Variants in ANAPC2 observed in about 807,000 individuals in gnomAD.
ANAPC2 encodes the protein anaphase-promoting complex subunit 2.
Under a neutral mutation model 84.3 loss-of-function variants are expected in ANAPC2, and 29 were observed. That is an observed-to-expected ratio of 0.34 (90% CI 0.26 to 0.47). The LOEUF (loss-of-function observed/expected upper bound fraction) is 0.47. ANAPC2 is among the 20% of genes least tolerant of loss of function. The pLI is 1.00. For missense variants in ANAPC2, 857 were observed against 1,131.7 expected, an observed-to-expected ratio of 0.76 and a Z score of 3.48; for synonymous variants, 571 against 479.4, an observed-to-expected ratio of 1.19 and a Z score of -2.50.
In ANAPC2 at chr9:137,178,002, A is replaced by G. The variant is rs189792073; in HGVS notation, c.1891-2165T>C. On this transcript the variant is annotated intron_variant, in intron 10 of 12. Coordinates refer to ENST00000323927, the MANE Select transcript of ANAPC2 (RefSeq NM_013366.4). Reference sequence around the variant, plus strand: ...TTAGACTTCTGACTTCTGTAAAATGATATGTTTCTTTTAAGCCCGCTGGTT... The same window carrying G: ...TTAGACTTCTGACTTCTGTAAAATGGTATGTTTCTTTTAAGCCCGCTGGTT... Among the ~76,000 whole-genome samples the G allele has an allele frequency of 5.7e-3, 858 of 150,866 alleles. 7 individuals are homozygous for G. The highest frequency in any genetic ancestry group is 8.6e-3 in the Non-Finnish European group (583 of 67,988).
rs538557383 is a variant in ANAPC2, at chr9:137,182,927, C to T, written c.1286+198G>A. Among the ~76,000 whole-genome samples, 12 of 152,328 alleles carry T rather than the reference C, an allele frequency of 7.9e-5. 1 individual carries two copies. Among genetic ancestry groups the T allele is most frequent in the East Asian group, 1.9e-4 (1 of 5,184 alleles). On this transcript the variant is annotated intron_variant, in intron 6 of 12. Transcript: ENST00000323927. ...CTGCACACAGAGGGCACGGTGACAC[C>T]GTGTGACAAGGACAGGTGCCCGGCA...
chr9:137,181,052 G>A (rs1834331556), intron 7 of ANAPC2, 123 bp from the exon 8 acceptor site: 15 of 1,318,498 alleles, frequency 1.1e-5, no homozygotes, highest in Non-Finnish European at 1.6e-5. Context: ...GGCCCTCGAG[G>A]CTGGGAGCAG....
rs878889078 is a variant in ANAPC2, at chr9:137,188,054, C to T, written c.167G>A (p.Arg56Gln). ...GAVPPKEEEL[R>Q]AAVEVLRGHG... ...GCCCCTCAGAACCTCCACCGCCGCCCGGAGCTCCTCTTCCTTTGGCGGGAC... is the reference window on the plus strand; with the variant it reads ...GCCCCTCAGAACCTCCACCGCCGCCTGGAGCTCCTCTTCCTTTGGCGGGAC... Residue 56 changes from arginine (R) to glutamine (Q), a missense_variant, in exon 2 of 13, where the codon CGG (arginine) becomes CAG (glutamine). Around this residue, in one of 3 missense-constraint regions of ANAPC2, gnomAD observed 428 missense variants for 513.8 expected, o/e 0.83. Transcript: ENST00000323927. The T allele has an allele frequency of 4.1e-5, 66 of 1,613,570 alleles. No individual in the cohort carries two copies. Among genetic ancestry groups the T allele is most frequent in the Non-Finnish European group, 5.4e-5 (64 of 1,180,018 alleles).
intron 5 of ANAPC2, 184 bp from the exon 6 acceptor site, chr9:137,183,426 G>A (rs2131338079): frequency 1.3e-6 from 1 of 748,230 alleles, no homozygotes; most frequent in Non-Finnish European, 2.2e-6. Flanking sequence ...AGGGAGGTCT[G>A]TTCTGAGAGA....
In ANAPC2 at chr9:137,187,890, G is replaced by C; in HGVS notation, c.331C>G (p.Leu111Val). 1 of 1,613,766 alleles carries C rather than the reference G, an allele frequency of 6.2e-7. No individual in the cohort carries two copies. ...TCCAGCAGGCCAAAAGCGTCAAGGAGTAGCAAAAGGCACTGGGGCTCATCC... is the reference window on the plus strand; with the variant it reads ...TCCAGCAGGCCAAAAGCGTCAAGGACTAGCAAAAGGCACTGGGGCTCATCC... ...SADEPQCLLL[L>V]LDAFGLLESR... The change falls in exon 2 of 13, where the codon CTC (leucine) becomes GTC (valine). Residue 111 changes from leucine to valine, a missense_variant. By Grantham distance (32) the Leu-to-Val change is conservative (BLOSUM62 1). Around this residue, in one of 3 missense-constraint regions of ANAPC2, gnomAD observed 428 missense variants for 513.8 expected, o/e 0.83. Coordinates refer to ENST00000323927, the MANE Select transcript of ANAPC2 (RefSeq NM_013366.4).
Position 137,184,896 on chromosome 9 carries a change from G to A in ANAPC2, c.1048+17C>T, listed in dbSNP as rs1834427538. On this transcript the variant is annotated intron_variant, in intron 4 of 12. Coordinates refer to ENST00000323927, the MANE Select transcript of ANAPC2 (RefSeq NM_013366.4). ...CCCCAGACGGGAGAGCGGACCCCAGGGCCGGGGCAGGACCACCTCGGACGA... is the reference window on the plus strand; with the variant it reads ...CCCCAGACGGGAGAGCGGACCCCAGAGCCGGGGCAGGACCACCTCGGACGA... 2 of 1,609,738 alleles carry A rather than the reference G, an allele frequency of 1.2e-6. No individual in the cohort carries two copies.
In ANAPC2 at chr9:137,181,783, G is replaced by A. The variant is rs1588761056; in HGVS notation, c.1366C>T (p.Leu456=). The A allele has an allele frequency of 2.5e-6, 4 of 1,610,568 alleles. No homozygotes were observed. The highest frequency in any genetic ancestry group is 3.4e-6 in the Non-Finnish European group (4 of 1,179,942). The change falls in exon 7 of 13, where the codon CTG becomes TTG. Residue 456 remains leucine (L), a synonymous_variant. Coordinates refer to ENST00000323927, the MANE Select transcript of ANAPC2 (RefSeq NM_013366.4). ...SDGTGDLAVE[L]SKTDPASLET... is the part of the protein sequence containing the mutation. ...AGGCTCGCCGGGTCGGTCTTGGACA[G>A]CTCAACAGCCAGGTCCCCTGTCCCG...
rs945175471 is a variant in ANAPC2, at chr9:137,186,507, T to G, written c.741-151A>C. ...CACACACCTCCCCACAATCCTCAGC[T>G]GTGGGGGGCGGTTGTACCAAAGGCT... is the stretch of plus-strand genomic sequence containing the variant. On this transcript the variant is annotated intron_variant, in intron 2 of 12. Coordinates refer to ENST00000323927, the MANE Select transcript of ANAPC2 (RefSeq NM_013366.4). The G allele has an allele frequency of 3.9e-5, 45 of 1,167,446 alleles. No homozygotes were observed. The African/African-American group carries it at 5.5e-4, about 14-fold the overall frequency. 72.3% of individuals were successfully genotyped at this position (1,167,446 alleles called of 1,614,324 possible).
intron 8 of ANAPC2, 77 bp from the exon 9 acceptor site, chr9:137,180,604 T>C (rs1057220524): frequency 6.3e-7 from 1 of 1,593,112 alleles, no homozygotes; most frequent in African/African-American, 1.4e-5. Flanking sequence ...GGCACGGGGG[T>C]GCCCCCCAGG....
At position 137,174,850 on chromosome 9, in the gene ANAPC2, T is replaced by A. The variant is rs1287188946; in HGVS notation, c.*92A>T. The A allele has an allele frequency of 6.9e-7, 1 of 1,453,484 alleles. No homozygotes were observed. The highest frequency in any genetic ancestry group is 9.1e-7 in the Non-Finnish European group (1 of 1,103,864). The allele number at this position is 1,453,484 out of a possible 1,614,324, so 90.0% of individuals were successfully genotyped here. A position where few individuals can be genotyped will look rare whatever the true frequency, so the allele number is the denominator to read the frequency against. On this transcript the variant is annotated 3_prime_UTR_variant, in exon 13 of 13. Coordinates refer to ENST00000323927, the MANE Select transcript of ANAPC2 (RefSeq NM_013366.4). The surrounding 1 kb of genome is among the most constrained non-coding windows in gnomAD (Gnocchi z 6.1). Reference sequence around the variant, plus strand: ...GGTGGGCATGCTCCTCAGCAGTGCATTCTGGGACACGGGCGGGCGGGGGCT... The same window carrying A: ...GGTGGGCATGCTCCTCAGCAGTGCAATCTGGGACACGGGCGGGCGGGGGCT...
rs1201552433 is a variant in ANAPC2 at position 137,185,811 on chromosome 9, C to A, written c.873+413G>T. 2.0e-5 allele frequency among the ~76,000 whole-genome samples: 3 copies of A among 152,144 alleles called. No homozygotes were observed. In the East Asian group the frequency reaches 5.8e-4, roughly 29 times the overall value. On this transcript the variant is annotated intron_variant, in intron 3 of 12. Coordinates refer to ENST00000323927, the MANE Select transcript of ANAPC2 (RefSeq NM_013366.4). ...CTGGAGGCCCCATGTGAGGGTGTCT[C>A]GCTCCCCGCTGTGGTGCAGGCTGGC...
At chr9:137,177,857 C>T (rs892213030) in intron 10 of ANAPC2, among the ~76,000 whole-genome samples, 8 of 152,142 alleles carry the variant, frequency 5.3e-5, no homozygotes, top group African/African-American at 9.7e-5. Context: ...TCACGGGCGA[C>T]GCGGCAGAGA....
In ANAPC2 at chr9:137,174,935, C is replaced by CGGGT. The variant is rs747050984; in HGVS notation, c.*6_*7insACCC. 3 of 1,527,324 alleles carry CGGGT rather than the reference C, an allele frequency of 2.0e-6. No individual in the cohort carries two copies. 94.6% of individuals were successfully genotyped at this position (1,527,324 alleles called of 1,614,324 possible). On this transcript the variant is annotated 3_prime_UTR_variant, in exon 13 of 13. Coordinates refer to ENST00000323927, the MANE Select transcript of ANAPC2 (RefSeq NM_013366.4). The surrounding 1 kb of genome is among the most constrained non-coding windows in gnomAD (Gnocchi z 6.1). ...CCTGGCGGGCGGGCGGGCGGGCGGG[C>CGGGT]GATGTGTCAGCTGCAGTTCTTGGGC...
chr9:137,184,233 G>A (rs1197046055), intron 4 of ANAPC2, among the ~76,000 whole-genome samples: 1 of 151,902 alleles, frequency 6.6e-6, no homozygotes, highest in Non-Finnish European at 1.5e-5. Flanking sequence ...CATGGCGAAG[G>A]CCCTGGGAGC....
intron 6 of ANAPC2, 46 bp downstream of exon 6, chr9:137,183,079 G>A (rs1441883959): frequency 6.7e-7 from 1 of 1,498,978 alleles, no homozygotes; most frequent in African/African-American, 1.4e-5. Flanking sequence ...GAGCTCAGCA[G>A]GATGCCCAGG....
Position 137,175,429 on chromosome 9 carries a change from G to A in ANAPC2, c.2064C>T (p.Pro688=), listed in dbSNP as rs550173921. ...LEELSKAVKM[P]VALLRRRMSV... ...ACATCCGCCGCCGCAGCAGCGCCAC[G>A]GGCATCTTCACCGCCTTGCTCAGTT... The change falls in exon 12 of 13, where the codon CCC becomes CCT. Residue 688 remains proline (P), a synonymous_variant. Transcript: ENST00000323927. The A allele has an allele frequency of 3.7e-5, 60 of 1,602,312 alleles. 1 individual carries two copies. In the East Asian group the frequency reaches 7.2e-4, roughly 19 times the overall value.
In ANAPC2 at chr9:137,187,774, C is replaced by CCTG; in HGVS notation, c.446_447insCAG (p.Arg150dup). 2 of 1,613,722 alleles carry CCTG rather than the reference C, an allele frequency of 1.2e-6. No individual in the cohort carries two copies. Among genetic ancestry groups the CCTG allele is most frequent in the Non-Finnish European group, 1.7e-6 (2 of 1,180,034 alleles). On this transcript the variant is annotated inframe_insertion, in exon 2 of 13. Transcript: ENST00000323927. ...GCAACATAGTGTGGACTTCTTCTCG[C>CCTG]AGCCCCTGAGCACCAGTGCCCATCA...
Position 137,181,013 on chromosome 9 carries a change from C to T in ANAPC2, c.1469-84G>A, listed in dbSNP as rs764124036. 1.7e-4 allele frequency: 265 copies of T among 1,542,638 alleles called. 2 individuals carry two copies. Among genetic ancestry groups the T allele is most frequent in the Middle Eastern group, 9.8e-4 (5 of 5,078 alleles). On this transcript the variant is annotated intron_variant, in intron 7 of 12. Transcript: ENST00000323927. ...CCTCCTCCCATCCCGCCCAGCCAGACGGCACAGCCCAGCATGGCTCTTCCT... is the reference window on the plus strand; with the variant it reads ...CCTCCTCCCATCCCGCCCAGCCAGATGGCACAGCCCAGCATGGCTCTTCCT...
In ANAPC2 at chr9:137,188,505, C is replaced by T. The variant is rs1440136317; in HGVS notation, c.28G>A (p.Gly10Arg). 38 of 1,609,380 alleles carry T rather than the reference C, an allele frequency of 2.4e-5. No individual in the cohort carries two copies. Among genetic ancestry groups the T allele is most frequent in the Non-Finnish European group, 3.2e-5 (38 of 1,179,402 alleles). MAAAVVVAE[G>R]DSDSRPGQEL... Reference sequence around the variant, plus strand: ...TGTCCGGGCCGGGAGTCGCTGTCCCCCTCCGCCACCACAACTGCCGCCGCC... The same window carrying T: ...TGTCCGGGCCGGGAGTCGCTGTCCCTCTCCGCCACCACAACTGCCGCCGCC... The change falls in exon 1 of 13, where the codon GGG becomes AGG. Residue 10 changes from glycine to arginine, a missense_variant. By Grantham distance (125) the Gly-to-Arg change is moderately radical (BLOSUM62 -2). Around this residue, in one of 3 missense-constraint regions of ANAPC2, gnomAD observed 428 missense variants for 513.8 expected, o/e 0.83. Transcript: ENST00000323927.
Sources: gnomAD v4.1 joint callset for allele counts (sites outside exome capture counted in the v4.1 genomes callset) on GRCh38, gnomAD v4.1.1 for gene constraint, gnomAD v4.1.1 regional missense constraint, Gnocchi (gnomAD v3.1) non-coding constraint, MANE v1.5 for transcripts, NCBI Gene and HGNC (gene_info 2026-07-23, HGNC 2026-07-21) for gene names.